VPS13B: variants seen among roughly 807,000 people sequenced by gnomAD.
VPS13B encodes intermembrane lipid transfer protein VPS13B.
Under a neutral mutation model 426.4 loss-of-function variants are expected in VPS13B, and 285 were observed. The observed-to-expected ratio is 0.67, with a 90% CI of 0.61 to 0.74. VPS13B has a LOEUF of 0.74. VPS13B is among the 30% of genes least tolerant of loss of function. The pLI, the probability that VPS13B is intolerant of heterozygous loss-of-function variation, is 0.00. For synonymous variants in VPS13B, 1,676 were observed against 1,676.4 expected (o/e 1.00, Z 0.01); for missense variants, 4,537 against 4,782.6 (o/e 0.95, Z 1.51).
intron 26 of VPS13B, 148 bp from the exon 27 acceptor site, chr8:99,502,688 C>T: frequency 1.4e-6 from 1 of 704,140 alleles, no homozygotes; most frequent in Non-Finnish European, 2.5e-6. Context: ...CAGGCCTATG[C>T]TGATTTGCTT....
chr8:99,835,099 G>A, intron 52 of VPS13B, 98 bp from the exon 53 acceptor site: 2 of 1,501,060 alleles, frequency 1.3e-6, no homozygotes, highest in Non-Finnish European at 1.9e-6. Context: ...ATATTTTCGA[G>A]TTCTGAATGT....
intron 20 of VPS13B, among the ~76,000 whole-genome samples, chr8:99,389,208 T>C (rs1253594051): frequency 3.3e-5 from 5 of 152,278 alleles, no homozygotes; most frequent in African/African-American, 1.2e-4. Context: ...TTTTTGTTTG[T>C]TGTTTAGTAT....
At chr8:99,346,107 C>T (rs1327073968) in intron 19 of VPS13B, 1 of 152,264 alleles carries the variant, frequency 6.6e-6, no homozygotes, top group Non-Finnish European at 1.5e-5. Flanking sequence ...CAACATGGAA[C>T]CATTGAATCA....
intron 7 of VPS13B, 58 bp downstream of exon 7, chr8:99,115,932 C>T (rs1414599939): frequency 6.5e-7 from 1 of 1,547,206 alleles, no homozygotes; most frequent in Non-Finnish European, 8.8e-7. Flanking sequence ...TACGTTTTAC[C>T]ATTGGGAAAC....
chr8:99,586,669 C>T (rs945585837), intron 33 of VPS13B, among the ~76,000 whole-genome samples: 1 of 152,052 alleles, frequency 6.6e-6, no homozygotes, highest in African/African-American at 2.4e-5. Context: ...AATTATTTTG[C>T]ACATCTTTGA....
chr8:99,217,651 G>A (rs543179370), intron 17 of VPS13B, among the ~76,000 whole-genome samples: 4 of 152,230 alleles, frequency 2.6e-5, no homozygotes, highest in South Asian at 2.1e-4. Context: ...AGAGCCGTGC[G>A]TATATGAACC....
chr8:99,233,063 G>C, intron 17 of VPS13B: 2 of 1,298,508 alleles, frequency 1.5e-6, no homozygotes, highest in South Asian at 2.4e-5. Flanking sequence ...TTGCTGCGCT[G>C]TGAGGCGACT....
In VPS13B at chr8:99,695,781, G is replaced by A. The variant is rs957735944; in HGVS notation, c.6047-3744G>A. Among the ~76,000 whole-genome samples, 11 of 151,834 alleles carry A rather than the reference G, an allele frequency of 7.2e-5. No individual in the cohort carries two copies. In the East Asian group the frequency reaches 1.9e-3, roughly 27 times the overall value. ...CATGAAGGAAGGAACACTTACAAGG[G>A]ATGGGACCCTGAGAGAGCCTGGGTA... On this transcript the variant is annotated intron_variant, in intron 35 of 61. Coordinates refer to ENST00000357162, the MANE Select transcript of VPS13B (RefSeq NM_152564.5).
intron 19 of VPS13B, among the ~76,000 whole-genome samples, chr8:99,373,184 G>C (rs1381549980): frequency 6.6e-6 from 1 of 152,130 alleles, no homozygotes; most frequent in Non-Finnish European, 1.5e-5. Context: ...CAATGGGAGA[G>C]AAAGCATTAG....
intron 57 of VPS13B, among the ~76,000 whole-genome samples, chr8:99,861,257 C>T (rs1210199607): frequency 6.6e-6 from 1 of 152,198 alleles, no homozygotes; most frequent in East Asian, 1.9e-4. Flanking sequence ...GTCATCACCC[C>T]TGTGGGCAAG....
intron 19 of VPS13B, among the ~76,000 whole-genome samples, chr8:99,325,641 G>C (rs910123474): frequency 2.0e-5 from 3 of 152,166 alleles, no homozygotes; most frequent in African/African-American, 7.2e-5. Flanking sequence ...TGGCATCTCA[G>C]GGGAGAGTTA....
chr8:99,223,664 T>A (rs944796097), intron 17 of VPS13B, among the ~76,000 whole-genome samples: 1 of 152,144 alleles, frequency 6.6e-6, no homozygotes, highest in African/African-American at 2.4e-5. Context: ...AGTAATAAAG[T>A]TGGTATACAA....
chr8:99,589,549 G>A (rs1023994870), intron 33 of VPS13B, among the ~76,000 whole-genome samples: 1 of 151,616 alleles, frequency 6.6e-6, no homozygotes, highest in Non-Finnish European at 1.5e-5. Context: ...CTTTTTTTAT[G>A]GCTGCATAGG....
At chr8:99,554,517 G>C (rs377168895) in intron 30 of VPS13B, among the ~76,000 whole-genome samples, 2 of 152,224 alleles carry the variant, frequency 1.3e-5, no homozygotes, top group African/African-American at 4.8e-5. Context: ...ACAAATCAGT[G>C]AATTGAAACA....
chr8:99,513,829 A>G (rs1821917782), intron 29 of VPS13B, among the ~76,000 whole-genome samples: 1 of 152,216 alleles, frequency 6.6e-6, no homozygotes, highest in Admixed American at 6.5e-5. Context: ...CATCTTTGGC[A>G]GCCAGGCTGA....
chr8:99,378,603 A>G (rs1813625393), intron 19 of VPS13B, among the ~76,000 whole-genome samples: 1 of 152,178 alleles, frequency 6.6e-6, no homozygotes, highest in African/African-American at 2.4e-5. Flanking sequence ...GAACTAACAA[A>G]TGTCCATGAA....
At chr8:99,222,671 G>T (rs1451070464) in intron 17 of VPS13B, among the ~76,000 whole-genome samples, 1 of 152,058 alleles carries the variant, frequency 6.6e-6, no homozygotes, top group African/African-American at 2.4e-5. Context: ...TGTATTATTT[G>T]TTTTCTAACA....
chr8:99,666,389 C>T (rs988001131), intron 35 of VPS13B, among the ~76,000 whole-genome samples: 24 of 152,138 alleles, frequency 1.6e-4, no homozygotes, highest in Non-Finnish European at 3.1e-4. Context: ...CCTTGATGAA[C>T]ATCGATGCAA....
At chr8:99,767,756 C>T (rs1219322272) in intron 40 of VPS13B, among the ~76,000 whole-genome samples, 1 of 152,018 alleles carries the variant, frequency 6.6e-6, no homozygotes, top group Admixed American at 6.5e-5. Context: ...TGGTGAAACC[C>T]CATCTCTATA....
Sources: gnomAD v4.1 joint callset for allele counts (sites outside exome capture counted in the v4.1 genomes callset) on GRCh38, gnomAD v4.1.1 for gene constraint, MANE v1.5 for transcripts, NCBI Gene and HGNC (gene_info 2026-07-23, HGNC 2026-07-21) for gene names.